The following TTC7A variants were observed in gnomAD, a reference collection of about 807,000 sequenced individuals.
TTC7A encodes the protein tetratricopeptide repeat domain 7A.
A neutral mutation model predicts 103.7 loss-of-function variants in TTC7A; 110 were observed. The observed-to-expected ratio is 1.06, with a 90% CI of 0.91 to 1.24. The LOEUF (loss-of-function observed/expected upper bound fraction) is 1.24, where lower values mean the gene tolerates loss of function less well. Ranked by LOEUF, TTC7A falls within the 50% of genes most tolerant of loss-of-function variation. TTC7A has a pLI of 0.00. For missense variants in TTC7A, 1,340 were observed against 1,116.3 expected, an observed-to-expected ratio of 1.20 and a Z score of -2.86; for synonymous variants, 521 against 467.9, an observed-to-expected ratio of 1.11 and a Z score of -1.47.
At chr2:47,073,585 C>A in intron 19 of TTC7A, 117 bp from the exon 20 acceptor site, 1 of 851,598 alleles carries the variant, frequency 1.2e-6, no homozygotes, top group Non-Finnish European at 1.9e-6. Context: ...GCCAGAGACG[C>A]GGGAATCCTC....
intron 14 of TTC7A, among the ~76,000 whole-genome samples, chr2:47,027,071 C>T (rs1436542788): frequency 6.6e-6 from 1 of 152,226 alleles, no homozygotes; most frequent in African/African-American, 2.4e-5. Flanking sequence ...GCCCTCCACC[C>T]TCCAGCCTGC....
intron 2 of TTC7A, among the ~76,000 whole-genome samples, chr2:46,954,673 G>A (rs951750069): frequency 7.4e-5 from 11 of 149,132 alleles, no homozygotes; most frequent in Non-Finnish European, 1.5e-4. Context: ...CCGGGTTCAA[G>A]CGATTCTTCT....
Position 47,046,424 on chromosome 2 carries a change from CA to C in TTC7A, c.1913del (p.Gln638ArgfsTer5), listed in dbSNP as rs1558623527. 6.2e-7 allele frequency: 1 copy of C among 1,613,836 alleles called. No individual in the cohort carries two copies. The highest frequency in any genetic ancestry group is 8.5e-7 in the Non-Finnish European group (1 of 1,179,734). Reference sequence around the variant, plus strand: ...GTGGCAGACCCTGTACAGCTTCTCCCAGCTGGGGTGAGTGGCCGTCATTGTC... The same window carrying C: ...GTGGCAGACCCTGTACAGCTTCTCCCGCTGGGGTGAGTGGCCGTCATTGTC... The part of the protein sequence containing the change: ...RLWQTLYSFS[Q>X]LGGLEKDGSF... On this transcript the variant is annotated frameshift_variant, in exon 16 of 20. Transcript: ENST00000319190. LOFTEE classifies it high-confidence loss of function.
chr2:46,962,039 C>T (rs1362510910), intron 3 of TTC7A, among the ~76,000 whole-genome samples: 1 of 152,220 alleles, frequency 6.6e-6, no homozygotes, highest in Non-Finnish European at 1.5e-5. Flanking sequence ...TGAGCCCTGT[C>T]TTCCACTGAA....
intron 2 of TTC7A, among the ~76,000 whole-genome samples, chr2:46,952,243 T>C (rs972935194): frequency 1.3e-5 from 2 of 152,166 alleles, no homozygotes; most frequent in African/African-American, 4.8e-5. Context: ...CTGAGCATGC[T>C]TGACCCCACA....
intron 5 of TTC7A, among the ~76,000 whole-genome samples, chr2:46,988,909 C>T (rs1572829784): frequency 6.6e-6 from 1 of 152,200 alleles, no homozygotes; most frequent in Non-Finnish European, 1.5e-5. Flanking sequence ...CTTCCAGGCT[C>T]TTTTTCCTGT....
At chr2:47,058,348 G>T (rs1342215514) in intron 18 of TTC7A, among the ~76,000 whole-genome samples, 1 of 152,226 alleles carries the variant, frequency 6.6e-6, no homozygotes, top group Non-Finnish European at 1.5e-5. Context: ...GATGTGGCAG[G>T]CTACTCGGGT....
At chr2:47,009,510 G>A (rs1422475553) in intron 10 of TTC7A, among the ~76,000 whole-genome samples, 2 of 152,138 alleles carry the variant, frequency 1.3e-5, no homozygotes, top group African/African-American at 2.4e-5. Context: ...AATCTATCAC[G>A]TCTGGGTTGA....
At chr2:46,995,096 G>C in intron 7 of TTC7A, 40 bp from the exon 8 acceptor site, 1 of 1,605,700 alleles carries the variant, frequency 6.2e-7, no homozygotes, top group Non-Finnish European at 8.5e-7. Context: ...TGTCTGGTGA[G>C]GTGTGTGCTC....
intron 10 of TTC7A, among the ~76,000 whole-genome samples, chr2:47,009,703 G>C (rs1220156207): frequency 1.3e-5 from 2 of 152,028 alleles, no homozygotes; most frequent in Non-Finnish European, 2.9e-5. Flanking sequence ...TTGCTGGGGG[G>C]ATATGAGAGC....
At chr2:46,936,942 C>T (rs757542550), upstream of TTC7A, among the ~76,000 whole-genome samples, 1 of 151,832 alleles carries the variant, frequency 6.6e-6, no homozygotes, top group Non-Finnish European at 1.5e-5. Flanking sequence ...GCAACCTCTG[C>T]CTCCTGGGCT....
intron 3 of TTC7A, among the ~76,000 whole-genome samples, chr2:46,966,013 G>A (rs1376775774): frequency 1.3e-5 from 2 of 151,878 alleles, no homozygotes; most frequent in Admixed American, 1.3e-4. Context: ...GCAATGGCAC[G>A]ATCTCAGCTC....
chr2:47,008,633 AC>A (rs1489356083), intron 10 of TTC7A, among the ~76,000 whole-genome samples: 1 of 151,934 alleles, frequency 6.6e-6, no homozygotes, highest in African/African-American at 2.4e-5. Context: ...AGCATTCTCC[AC>A]CCCCCTTGGG....
At chr2:46,998,947 A>G (rs778021187) in intron 8 of TTC7A, among the ~76,000 whole-genome samples, 6 of 152,200 alleles carry the variant, frequency 3.9e-5, no homozygotes, top group Admixed American at 6.5e-5. Context: ...CTGGTTGAAG[A>G]TGATTTCTGT....
intron 5 of TTC7A, among the ~76,000 whole-genome samples, chr2:46,979,915 G>A (rs1246946178): frequency 3.3e-5 from 5 of 152,158 alleles, no homozygotes; most frequent in African/African-American, 7.2e-5. Flanking sequence ...AAGCGCAGCC[G>A]TCCCCCGTGC....
intron 17 of TTC7A, among the ~76,000 whole-genome samples, chr2:47,051,408 T>C (rs1682844293): frequency 6.6e-6 from 1 of 152,228 alleles, no homozygotes; most frequent in African/African-American, 2.4e-5. Context: ...ATACCCCCAC[T>C]TATTTTTAAT....
At position 46,975,073 on chromosome 2, in the gene TTC7A, C is replaced by T. The variant is rs770250064; in HGVS notation, c.618C>T (p.Ile206=). The change falls in exon 4 of 20, where the codon ATC becomes ATT. Residue 206 remains isoleucine (I), a synonymous_variant. Transcript: ENST00000319190. The part of the protein sequence containing the change: ...VITCFERASW[I]AQVFLQELEK... ...CCTGTTTTGAGAGGGCCTCCTGGAT[C>T]GCTCAGGTGTTCCTGCAGGAATTGG... 2.4e-5 allele frequency: 38 copies of T among 1,613,768 alleles called. No individual in the cohort carries two copies. The highest frequency in any genetic ancestry group is 5.1e-6 in the Non-Finnish European group (6 of 1,179,846).
At chr2:46,987,682 G>A (rs982946246) in intron 5 of TTC7A, among the ~76,000 whole-genome samples, 2 of 152,202 alleles carry the variant, frequency 1.3e-5, no homozygotes, top group South Asian at 2.1e-4. Flanking sequence ...GTTTTAATTA[G>A]TAAAGCAACA....
rs1685064679 is a variant in TTC7A, at chr2:47,074,497, CA to C, written c.*575del. 1 of 84,400 alleles carries C rather than the reference CA, an allele frequency of 1.2e-5. No homozygotes were observed. The highest frequency in any genetic ancestry group is 3.9e-4 in the South Asian group (1 of 2,596). The allele number at this position is 84,400 out of a possible 1,614,324, so 5.2% of individuals were successfully genotyped here. On this transcript the variant is annotated 3_prime_UTR_variant, in exon 20 of 20. Coordinates refer to ENST00000319190, the MANE Select transcript of TTC7A (RefSeq NM_020458.4). ...CTACCAAGTGCCTTTGGGGTCTGAC[CA>C]GGGGTACTGAGCACCGGCCCTAACA...
Sources: gnomAD v4.1 joint callset for allele counts (sites outside exome capture counted in the v4.1 genomes callset) on GRCh38, gnomAD v4.1.1 for gene constraint, MANE v1.5 for transcripts, NCBI Gene and HGNC (gene_info 2026-07-23, HGNC 2026-07-21) for gene names.